Variants in BICDL1 observed in about 807,000 individuals in gnomAD.
BICDL1 encodes BICD family-like cargo adapter 1.
BICDL1 carries 20 observed loss-of-function variants against 76.8 expected under a neutral mutation model. The ratio of observed to expected loss-of-function variants is 0.26; its 90% confidence interval spans 0.18 to 0.38. BICDL1 has a LOEUF of 0.38. BICDL1 is among the 10% of genes least tolerant of loss of function. The pLI is 1.00. For missense variants in BICDL1, 700 were observed against 798.6 expected (o/e 0.88, Z 1.49); for synonymous variants, 383 against 337.1 (o/e 1.14, Z -1.49).
intron 2 of BICDL1, among the ~76,000 whole-genome samples, chr12:120,052,670 A>G (rs1051418283): frequency 3.9e-5 from 6 of 152,342 alleles, no homozygotes; most frequent in Middle Eastern, 3.4e-3. Context: ...CTTTGAGGAT[A>G]TGAAAATATC....
At chr12:120,062,712 C>T (rs950866025) in intron 3 of BICDL1, among the ~76,000 whole-genome samples, 1 of 152,190 alleles carries the variant, frequency 6.6e-6, no homozygotes, top group Non-Finnish European at 1.5e-5. Flanking sequence ...TATTCCCTTC[C>T]TTCCCCCTTT....
chr12:120,073,844 G>C lies in BICDL1; in HGVS notation c.1309-599G>C, dbSNP rs951776115. ...TGATGGTGTGCTATTCCCACCACACGGCTTCCTTTCCCCCAAGCCTGAAAC... is the reference window on the plus strand; with the variant it reads ...TGATGGTGTGCTATTCCCACCACACCGCTTCCTTTCCCCCAAGCCTGAAAC... On this transcript the variant is annotated intron_variant, in intron 6 of 9. Transcript: ENST00000548673. 6.6e-5 allele frequency among the ~76,000 whole-genome samples: 10 copies of C among 152,204 alleles called. No individual in the cohort carries two copies. The South Asian group carries it at 1.9e-3, about 28-fold the overall frequency.
intron 2 of BICDL1, among the ~76,000 whole-genome samples, chr12:120,025,752 A>C (rs1456917648): frequency 6.6e-6 from 1 of 152,196 alleles, no homozygotes; most frequent in Non-Finnish European, 1.5e-5. Flanking sequence ...TCAGGTATTA[A>C]GGAATTATTT....
At chr12:120,041,034 A>C (rs558769487) in intron 2 of BICDL1, among the ~76,000 whole-genome samples, 1 of 152,310 alleles carries the variant, frequency 6.6e-6, no homozygotes, top group East Asian at 1.9e-4. Flanking sequence ...GGTATGAGCC[A>C]CTGCTCCCAG....
intron 2 of BICDL1, among the ~76,000 whole-genome samples, chr12:120,059,648 G>C (rs1953060675): frequency 6.6e-6 from 1 of 151,326 alleles, no homozygotes; most frequent in African/African-American, 2.4e-5. Flanking sequence ...GACCTCAGGT[G>C]ATCCAGCCAC....
At chr12:120,067,267 C>T (rs1566256108) in intron 4 of BICDL1, among the ~76,000 whole-genome samples, 1 of 152,240 alleles carries the variant, frequency 6.6e-6, no homozygotes, top group Non-Finnish European at 1.5e-5. Flanking sequence ...TGGGTGGATT[C>T]CATCAGCAGA....
At chr12:120,059,596 G>C (rs1221716336) in intron 2 of BICDL1, among the ~76,000 whole-genome samples, 1 of 152,078 alleles carries the variant, frequency 6.6e-6, no homozygotes, top group African/African-American at 2.4e-5. Context: ...TTTTAGTAGA[G>C]ATAGGGTTTC....
chr12:119,999,805 A>G (rs1195535392), intron 2 of BICDL1: 2 of 443,934 alleles, frequency 4.5e-6, no homozygotes, highest in Non-Finnish European at 8.9e-6. Context: ...CCCTTCTTGT[A>G]TATTGAAAAT....
chr12:120,062,389 G>A (rs576651503), intron 3 of BICDL1, among the ~76,000 whole-genome samples: 1 of 152,234 alleles, frequency 6.6e-6, no homozygotes, highest in South Asian at 2.1e-4. Flanking sequence ...GTTGTGGAAG[G>A]TGAAGAGAGG....
At chr12:120,055,991 CA>C (rs779359561) in intron 2 of BICDL1, among the ~76,000 whole-genome samples, 15 of 151,388 alleles carry the variant, frequency 9.9e-5, no homozygotes, top group Non-Finnish European at 1.8e-4. Context: ...TTCATAATAG[CA>C]AAAAAAATTG....
In BICDL1 at chr12:120,071,025, C is replaced by T. The variant is rs1000550678; in HGVS notation, c.910-597C>T. Among the ~76,000 whole-genome samples the T allele has an allele frequency of 3.9e-5, 6 of 152,158 alleles. No homozygotes were observed. Among genetic ancestry groups the T allele is most frequent in the Non-Finnish European group, 7.3e-5 (5 of 68,034 alleles). On this transcript the variant is annotated intron_variant, in intron 4 of 9. Transcript: ENST00000548673. The surrounding 1 kb of genome is among the most constrained non-coding windows in gnomAD (Gnocchi z 4.8). ...TGTTACAGGCGTGAGCCACCACGCC[C>T]GGCCTGGTTGGTATAACTCAAGTCT... is the stretch of plus-strand genomic sequence containing the variant.
chr12:119,992,176 T>C (rs190981046), intron 1 of BICDL1, among the ~76,000 whole-genome samples: 17 of 152,316 alleles, frequency 1.1e-4, no homozygotes, highest in Admixed American at 9.8e-4. Flanking sequence ...TATAAAAAAT[T>C]TTAAAGTTTT....
rs547185141 is a variant in BICDL1, at chr12:120,030,485, G to T, written c.646-31225G>T. On this transcript the variant is annotated intron_variant, in intron 2 of 9. Coordinates refer to ENST00000548673, the MANE Select transcript of BICDL1 (RefSeq NM_001367886.1). The stretch of plus-strand genomic sequence containing the variant: ...GATGAAGATACCTCACACTTGTATT[G>T]TGCTTTAAGATTTACAAAAAAATGT... Among the ~76,000 whole-genome samples the T allele has an allele frequency of 4.6e-5, 7 of 152,138 alleles. No homozygotes were observed. The South Asian group carries it at 8.3e-4, about 18-fold the overall frequency.
Position 120,071,611 on chromosome 12 carries a change from T to G in BICDL1, c.910-11T>G. On this transcript the variant is annotated splice_polypyrimidine_tract_variant and intron_variant, in intron 4 of 9. Coordinates refer to ENST00000548673, the MANE Select transcript of BICDL1 (RefSeq NM_001367886.1). The surrounding 1 kb of genome is among the most constrained non-coding windows in gnomAD (Gnocchi z 4.8). ...TTGGTAAACCTCAACCATTTGCTCT[T>G]TCTTTGAAAGCTGCACCAAAGCCAG... 2 of 1,598,400 alleles carry G rather than the reference T, an allele frequency of 1.3e-6. No homozygotes were observed. Among genetic ancestry groups the G allele is most frequent in the South Asian group, 1.1e-5 (1 of 88,922 alleles).
intron 2 of BICDL1, among the ~76,000 whole-genome samples, chr12:120,001,172 T>C (rs1406908262): frequency 2.0e-5 from 3 of 152,148 alleles, no homozygotes; most frequent in Non-Finnish European, 2.9e-5. Context: ...ATCCAGGAAC[T>C]AGAGGAGTTA....
chr12:119,993,697 A>G (rs766959850), intron 1 of BICDL1, among the ~76,000 whole-genome samples: 22 of 151,482 alleles, frequency 1.5e-4, no homozygotes, highest in Non-Finnish European at 3.1e-4. Context: ...GCTCACTGCA[A>G]CCTCTCTGCC....
Position 119,989,857 on chromosome 12 carries a change from C to G in BICDL1, c.-12C>G. 1 of 1,337,178 alleles carries G rather than the reference C, an allele frequency of 7.5e-7. No homozygotes were observed. Among genetic ancestry groups the G allele is most frequent in the African/African-American group, 1.6e-5 (1 of 64,058 alleles). The allele number at this position is 1,337,178 out of a possible 1,614,324, so 82.8% of individuals were successfully genotyped here. On this transcript the variant is annotated 5_prime_UTR_variant, in exon 1 of 10. Coordinates refer to ENST00000548673, the MANE Select transcript of BICDL1 (RefSeq NM_001367886.1). ...CCGGGCCGCACCGCTGCGGGCTCCG[C>G]GCGCGCGGGCCATGTCCGCTTTCTG...
chr12:120,022,604 T>C lies in BICDL1; in HGVS notation c.645+23868T>C, dbSNP rs187918201. Among the ~76,000 whole-genome samples, 216 of 152,018 alleles carry C rather than the reference T, an allele frequency of 1.4e-3. 1 individual carries two copies. Among genetic ancestry groups the C allele is most frequent in the Admixed American group, 2.8e-3 (43 of 15,244 alleles). ...GTATATTGGGGACTTCTGCTTCCAG[T>C]GAAGCTGGCATAACAGAGACCAGGT... On this transcript the variant is annotated intron_variant, in intron 2 of 9. Transcript: ENST00000548673.
rs1378446257 is a variant in BICDL1, at chr12:119,989,992, G to T, written c.124G>T (p.Ala42Ser). Residue 42 changes from alanine (A) to serine (S), a missense_variant, in exon 1 of 10, where the codon GCC (alanine) becomes TCC (serine). Ala to Ser is a moderately conservative substitution (Grantham distance 99, BLOSUM62 1). Transcript: ENST00000548673. ...DAVRSPAAAA[A>S]LIFPGGSGEL... ...AGTCCGGAGTCCCGCCGCCGCCGCC[G>T]CCCTCATCTTCCCCGGGGGCTCCGG... The T allele has an allele frequency of 6.8e-7, 1 of 1,475,736 alleles. No individual in the cohort carries two copies. The highest frequency in any genetic ancestry group is 1.4e-5 in the South Asian group (1 of 73,988). 91.4% of individuals were successfully genotyped at this position (1,475,736 alleles called of 1,614,324 possible).
Sources: gnomAD v4.1 joint callset for allele counts (sites outside exome capture counted in the v4.1 genomes callset) on GRCh38, gnomAD v4.1.1 for gene constraint, Gnocchi (gnomAD v3.1) non-coding constraint, MANE v1.5 for transcripts, NCBI Gene and HGNC (gene_info 2026-07-23, HGNC 2026-07-21) for gene names.